The following STK38L variants were observed in gnomAD, a reference collection of about 807,000 sequenced individuals.
STK38L encodes serine/threonine kinase 38 like, also known as serine/threonine-protein kinase 38-like.
STK38L carries 28 observed loss-of-function variants against 59.7 expected under a neutral mutation model. That is an observed-to-expected ratio of 0.47 (90% CI 0.35 to 0.64). STK38L has a LOEUF of 0.64. STK38L is among the 30% of genes least tolerant of loss of function. The pLI is 0.01. For synonymous variants in STK38L, 162 were observed against 176.8 expected (o/e 0.92, Z 0.66); for missense variants, 314 against 555.8 (o/e 0.56, Z 4.37).
At chr12:27,281,675 G>A (rs1194190337) in intron 1 of STK38L, among the ~76,000 whole-genome samples, 3 of 152,208 alleles carry the variant, frequency 2.0e-5, no homozygotes, top group African/African-American at 4.8e-5. Flanking sequence ...GATAAGGATG[G>A]AGATAAGGAT....
chr12:27,309,957 G>A (rs1944417610), intron 5 of STK38L, among the ~76,000 whole-genome samples: 1 of 152,176 alleles, frequency 6.6e-6, no homozygotes, highest in South Asian at 2.1e-4. Context: ...AGTTACAAGG[G>A]GTGGCTTCGA....
chr12:27,325,521 C>T lies in STK38L; in HGVS notation c.*3066C>T, dbSNP rs1374969896. On this transcript the variant is annotated 3_prime_UTR_variant, in exon 14 of 14. Transcript: ENST00000389032. The stretch of plus-strand genomic sequence containing the variant: ...ATTGAGAATTTAGTCCATAGAGGTC[C>T]CTGGCTACCAAACACATTCTCCTTT... 1 of 152,020 alleles carries T rather than the reference C, an allele frequency of 6.6e-6. No homozygotes were observed. Among genetic ancestry groups the T allele is most frequent in the East Asian group, 1.9e-4 (1 of 5,200 alleles). The allele number at this position is 152,020 out of a possible 1,614,324, so 9.4% of individuals were successfully genotyped here.
chr12:27,267,481 G>T (rs1012170136), intron 1 of STK38L, among the ~76,000 whole-genome samples: 1 of 152,170 alleles, frequency 6.6e-6, no homozygotes, highest in Non-Finnish European at 1.5e-5. Context: ...CCCAGCTACT[G>T]GTGCAGGCTC....
chr12:27,286,755 T>C (rs1411462549), intron 1 of STK38L, among the ~76,000 whole-genome samples: 1 of 152,214 alleles, frequency 6.6e-6, no homozygotes, highest in African/African-American at 2.4e-5. Context: ...CCGTATTCCC[T>C]GTTAGAAAGG....
At position 27,308,911 on chromosome 12, in the gene STK38L, T is replaced by A. The variant is rs1052074677; in HGVS notation, c.310-203T>A. On this transcript the variant is annotated intron_variant, in intron 4 of 13. Coordinates refer to ENST00000389032, the MANE Select transcript of STK38L (RefSeq NM_015000.4). The surrounding 1 kb of genome is among the most constrained non-coding windows in gnomAD (Gnocchi z 4.5). ...ATGTAAATATATAAATATATATAAA[T>A]ATATATTAATATATATAAAATATAT... Among the ~76,000 whole-genome samples the A allele has an allele frequency of 6.9e-6, 1 of 145,892 alleles. No individual in the cohort carries two copies. Among genetic ancestry groups the A allele is most frequent in the Middle Eastern group, 3.6e-3 (1 of 278 alleles).
At chr12:27,266,993 T>A (rs1943314366) in intron 1 of STK38L, among the ~76,000 whole-genome samples, 1 of 152,260 alleles carries the variant, frequency 6.6e-6, no homozygotes. Context: ...GGACAAATGA[T>A]ACTTTATATC....
intron 1 of STK38L, among the ~76,000 whole-genome samples, chr12:27,276,881 G>C (rs1459949503): frequency 2.6e-5 from 4 of 152,180 alleles, no homozygotes; most frequent in African/African-American, 9.7e-5. Context: ...GTAGAGTGAA[G>C]ATGCCTTGGT....
At chr12:27,254,840 A>AAGTACCTCCACACCTCGTCC (rs1943056883) in intron 1 of STK38L, among the ~76,000 whole-genome samples, 1 of 152,154 alleles carries the variant, frequency 6.6e-6, no homozygotes, top group Non-Finnish European at 1.5e-5. Context: ...AAAAGAGATC[A>AAGTACCTCCACACCTCGTCC]AGTACCTCCA....
chr12:27,253,605 C>T (rs557611298), intron 1 of STK38L, among the ~76,000 whole-genome samples: 1 of 152,244 alleles, frequency 6.6e-6, no homozygotes, highest in African/African-American at 2.4e-5. Context: ...TGCAATCAGG[C>T]ATAGCAGCTG....
At chr12:27,316,856 T>C (rs1047259540) in intron 9 of STK38L, among the ~76,000 whole-genome samples, 2 of 152,218 alleles carry the variant, frequency 1.3e-5, no homozygotes, top group Non-Finnish European at 2.9e-5. Context: ...GGTATTATTA[T>C]TCTAGTTTTA....
At chr12:27,299,935 G>A (rs868094250) in intron 2 of STK38L, among the ~76,000 whole-genome samples, 5 of 152,036 alleles carry the variant, frequency 3.3e-5, no homozygotes, top group Admixed American at 3.3e-4. Context: ...AATTACAAGG[G>A]TAATTAAAGT....
At chr12:27,270,667 C>T (rs867683580) in intron 1 of STK38L, among the ~76,000 whole-genome samples, 7 of 152,090 alleles carry the variant, frequency 4.6e-5, no homozygotes, top group Non-Finnish European at 2.9e-5. Flanking sequence ...CGTGAGCCAC[C>T]GCACCCAGCG....
Position 27,322,402 on chromosome 12 carries a change from G to A in STK38L, c.1342G>A (p.Gly448Arg). Residue 448 changes from glycine (G) to arginine (R), a missense_variant, in exon 14 of 14, where the codon GGG becomes AGG. Gly to Arg is a moderately radical substitution (Grantham distance 125). This residue lies in a region of STK38L where 94 missense variants were observed against 142.2 expected (regional missense o/e 0.66). Transcript: ENST00000389032. ...CAATTATACCTATAAAAGGTTTGAAGGGTTGACTCAACGTGGCTCTATCCC... is the reference window on the plus strand; with the variant it reads ...CAATTATACCTATAAAAGGTTTGAAAGGTTGACTCAACGTGGCTCTATCCC... ...FLNYTYKRFE[G>R]LTQRGSIPTY... 6.2e-7 allele frequency: 1 copy of A among 1,614,020 alleles called. No individual in the cohort carries two copies. Among genetic ancestry groups the A allele is most frequent in the Non-Finnish European group, 8.5e-7 (1 of 1,179,938 alleles).
intron 1 of STK38L, among the ~76,000 whole-genome samples, chr12:27,287,892 G>C (rs1236094869): frequency 1.3e-5 from 2 of 152,042 alleles, no homozygotes; most frequent in Non-Finnish European, 2.9e-5. Context: ...GTTTGGTTTG[G>C]TTTTGTTTGA....
intron 1 of STK38L, among the ~76,000 whole-genome samples, chr12:27,259,108 C>T (rs1004073025): frequency 5.3e-5 from 8 of 152,156 alleles, no homozygotes; most frequent in African/African-American, 1.9e-4. Flanking sequence ...CACTGATTCT[C>T]AGTGATTGCC....
At chr12:27,274,922 T>C (rs1359202524) in intron 1 of STK38L, among the ~76,000 whole-genome samples, 1 of 152,184 alleles carries the variant, frequency 6.6e-6, no homozygotes, top group African/African-American at 2.4e-5. Context: ...CTAGACCATT[T>C]TAGTTATCTA....
At chr12:27,273,076 A>G (rs1943459047) in intron 1 of STK38L, among the ~76,000 whole-genome samples, 1 of 151,070 alleles carries the variant, frequency 6.6e-6, no homozygotes, top group African/African-American at 2.4e-5. Context: ...TAAGATCCTC[A>G]TGACCTTTAT....
At chr12:27,314,760 C>A in intron 7 of STK38L, 102 bp downstream of exon 7, 1 of 1,294,752 alleles carries the variant, frequency 7.7e-7, no homozygotes, top group Non-Finnish European at 1.1e-6. Flanking sequence ...TAGAATATTG[C>A]TAAACAACAT....
intron 1 of STK38L, among the ~76,000 whole-genome samples, chr12:27,249,330 TTTTATTTA>T (rs200601069): frequency 0.02 from 3,001 of 152,210 alleles, 102 homozygotes; most frequent in African/African-American, 0.069. Flanking sequence ...TATGCTTAGC[TTTTATTTA>T]TTTATTTATT....
Sources: allele counts gnomAD v4.1 joint callset (sites outside exome capture counted in the v4.1 genomes callset), GRCh38; gene constraint gnomAD v4.1.1; regional missense constraint gnomAD v4.1.1; non-coding constraint Gnocchi (gnomAD v3.1); transcripts MANE v1.5; gene names NCBI Gene and HGNC (gene_info 2026-07-23, HGNC 2026-07-21).